The following AHDC1 variants were observed in gnomAD, a reference collection of about 807,000 sequenced individuals.
The protein encoded by AHDC1 is transcription factor Gibbin.
AHDC1 carries 7 observed loss-of-function variants against 87.9 expected under a neutral mutation model. That is an observed-to-expected ratio of 0.08 (90% CI 0.05 to 0.15). AHDC1 has a LOEUF of 0.15. Ranked by LOEUF, AHDC1 falls within the 10% of genes least tolerant of loss-of-function variation. The probability of loss-of-function intolerance (pLI) is 1.00; values close to 1 mark genes in which losing one functional copy is unlikely to be tolerated. For synonymous variants in AHDC1, 1,051 were observed against 1,006.8 expected, an observed-to-expected ratio of 1.04 and a Z score of -0.83; for missense variants, 1,841 against 2,253.2, an observed-to-expected ratio of 0.82 and a Z score of 3.70.
intron 3 of AHDC1, chr1:27,568,265 TAC>T (rs2020408954): frequency 6.6e-6 from 1 of 152,086 alleles, no homozygotes; most frequent in Non-Finnish European, 1.5e-5. Flanking sequence ...TGCCCTTAAC[TAC>T]AGAGGGTCCT....
At chr1:27,554,320 A>G (rs577630849) in intron 5 of AHDC1, among the ~76,000 whole-genome samples, 4 of 152,246 alleles carry the variant, frequency 2.6e-5, no homozygotes, top group East Asian at 3.9e-4. Flanking sequence ...TCAGAGCCCT[A>G]TGTATTTCAC....
Position 27,590,722 on chromosome 1 carries a change from C to T in AHDC1, c.-629+12675G>A, listed in dbSNP as rs2089199440. ...GGGGAAACTGAGGCAGTGAAGCCCT[C>T]CGCCCTACTCATCACAATGAGTCAG... On this transcript the variant is annotated intron_variant, in intron 3 of 8. Transcript: ENST00000673934. This position sits in a 1 kb window ranked among gnomAD's most constrained non-coding sequence, Gnocchi z 5.4. Among the ~76,000 whole-genome samples the T allele has an allele frequency of 6.6e-6, 1 of 152,196 alleles. No homozygotes were observed. The highest frequency in any genetic ancestry group is 2.1e-4 in the South Asian group (1 of 4,832).
At chr1:27,556,026 A>G (rs180842233) in intron 5 of AHDC1, among the ~76,000 whole-genome samples, 27 of 152,272 alleles carry the variant, frequency 1.8e-4, no homozygotes, top group Non-Finnish European at 3.1e-4. Flanking sequence ...GGACAAAGTC[A>G]AAGGGGTACT....
intron 8 of AHDC1, among the ~76,000 whole-genome samples, chr1:27,535,765 A>G (rs1002741785): frequency 1.3e-5 from 2 of 151,994 alleles, no homozygotes; most frequent in Non-Finnish European, 2.9e-5. Context: ...CAGACACTCG[A>G]GATTGGAAGT....
In AHDC1 at chr1:27,550,936, A is replaced by G. The variant is rs756690740; in HGVS notation, c.1180T>C (p.Cys394Arg). Residue 394 changes from cysteine (C) to arginine (R), a missense_variant, in exon 8 of 9, where the codon TGT (cysteine) becomes CGT (arginine). Around this residue, in one of 13 missense-constraint regions of AHDC1, gnomAD observed 370 missense variants for 391.5 expected, o/e 0.95. Coordinates refer to ENST00000673934, the MANE Select transcript of AHDC1 (RefSeq NM_001371928.1). ...CCCCGTCCGGCTTTCCGCCGGCGAC[A>G]CAGGATCTTTGGCCTATCAGTGCGC... is the stretch of plus-strand genomic sequence containing the variant. ...LRRTDRPKIL[C>R]RRRKAGRGRK... The G allele has an allele frequency of 1.9e-6, 3 of 1,599,026 alleles. No homozygotes were observed. In the Admixed American group the frequency reaches 5.0e-5, roughly 27 times the overall value.
chr1:27,569,782 G>A (rs914859413), intron 3 of AHDC1, among the ~76,000 whole-genome samples: 1 of 152,028 alleles, frequency 6.6e-6, no homozygotes, highest in African/African-American at 2.4e-5. Flanking sequence ...ATTGGTTGGG[G>A]CGCCTGGCCT....
chr1:27,586,213 C>T (rs980792149), intron 3 of AHDC1, among the ~76,000 whole-genome samples: 3 of 152,210 alleles, frequency 2.0e-5, no homozygotes, highest in African/African-American at 7.2e-5. Flanking sequence ...GCAGGGGCCT[C>T]AGGTCAGGCC....
intron 3 of AHDC1, among the ~76,000 whole-genome samples, chr1:27,564,350 C>G (rs1227235414): frequency 6.6e-6 from 1 of 152,206 alleles, no homozygotes; most frequent in Non-Finnish European, 1.5e-5. Context: ...AAGCTGGAGA[C>G]CAGCAGGCAG....
chr1:27,547,243 C>T lies in AHDC1; in HGVS notation c.*43+18G>A. The T allele has an allele frequency of 6.7e-7, 1 of 1,483,060 alleles. No individual in the cohort carries two copies. Among genetic ancestry groups the T allele is most frequent in the Middle Eastern group, 1.9e-4 (1 of 5,138 alleles). 91.9% of individuals were successfully genotyped at this position (1,483,060 alleles called of 1,614,324 possible). On this transcript the variant is annotated intron_variant, in intron 8 of 8. Coordinates refer to ENST00000673934, the MANE Select transcript of AHDC1 (RefSeq NM_001371928.1). The surrounding 1 kb of genome is among the most constrained non-coding windows in gnomAD (Gnocchi z 4.9). ...ACCCCCAGGCCTCTGCCCACTGCGCCCACATCCCCAGACTCACCCAGGAAC... is the reference window on the plus strand; with the variant it reads ...ACCCCCAGGCCTCTGCCCACTGCGCTCACATCCCCAGACTCACCCAGGAAC...
chr1:27,551,799 C>G lies in AHDC1; in HGVS notation c.317G>C (p.Ser106Thr). The G allele has an allele frequency of 6.2e-7, 1 of 1,612,900 alleles. No homozygotes were observed. The change falls in exon 8 of 9, where the codon AGC becomes ACC. Residue 106 changes from serine (S) to threonine (T), a missense_variant. Physicochemically the swap from Ser to Thr is moderately conservative, Grantham distance 58 (BLOSUM62 1). This residue lies in a region of AHDC1 where 142 missense variants were observed against 165.6 expected (regional missense o/e 0.86). Coordinates refer to ENST00000673934, the MANE Select transcript of AHDC1 (RefSeq NM_001371928.1). ...RCPTPVGDGSSSRRCWDNGRV... is the reference protein window; with the variant it reads ...RCPTPVGDGSTSRRCWDNGRV... ...CCCGTTGTCCCAGCAGCGTCGGGAG[C>G]TGCTGCCGTCTCCGACCGGTGTGGG...
At position 27,595,121 on chromosome 1, in the gene AHDC1, C is replaced by G. The variant is rs530358368; in HGVS notation, c.-629+8276G>C. On this transcript the variant is annotated intron_variant, in intron 3 of 8. Coordinates refer to ENST00000673934, the MANE Select transcript of AHDC1 (RefSeq NM_001371928.1). The surrounding 1 kb of genome is among the most constrained non-coding windows in gnomAD (Gnocchi z 4.0). ...TGATCTGTTAGAGATATACTAGAAC[C>G]GAAGCCATGTCTGTGTGTTTGAGGC... is the stretch of plus-strand genomic sequence containing the variant. 2.0e-5 allele frequency among the ~76,000 whole-genome samples: 3 copies of G among 152,106 alleles called. No individual in the cohort carries two copies. In the South Asian group the frequency reaches 6.2e-4, roughly 32 times the overall value.
At chr1:27,572,888 C>T (rs1166552514) in intron 3 of AHDC1, among the ~76,000 whole-genome samples, 1 of 152,252 alleles carries the variant, frequency 6.6e-6, no homozygotes, top group Non-Finnish European at 1.5e-5. Flanking sequence ...GTGCGCCATG[C>T]CCCAATTCCC....
At chr1:27,584,257 ATG>A (rs2148448573) in intron 3 of AHDC1, among the ~76,000 whole-genome samples, 1 of 152,256 alleles carries the variant, frequency 6.6e-6, no homozygotes, top group African/African-American at 2.4e-5. Flanking sequence ...ATCTGCTCTG[ATG>A]CCAACCCCAG....
At position 27,549,384 on chromosome 1, in the gene AHDC1, AAGG is replaced by A. The variant is rs2148275086; in HGVS notation, c.2729_2731del (p.Ser910del). ...CTGGCGCGCGGACAGGACAGGCTGA[AAGG>A]AGGGGTCCGCCCCAGCCCCGCTGCT... On this transcript the variant is annotated inframe_deletion, in exon 8 of 9. Transcript: ENST00000673934. The A allele has an allele frequency of 3.1e-6, 5 of 1,612,968 alleles. No homozygotes were observed. The highest frequency in any genetic ancestry group is 4.2e-6 in the Non-Finnish European group (5 of 1,179,834).
Position 27,547,878 on chromosome 1 carries a change from C to G in AHDC1, c.4238G>C (p.Arg1413Pro). The G allele has an allele frequency of 6.4e-7, 1 of 1,552,020 alleles. No homozygotes were observed. Among genetic ancestry groups the G allele is most frequent in the Non-Finnish European group, 8.7e-7 (1 of 1,146,100 alleles). ...GGCAGCCAGCTTTGTGGGCGGTGGC[C>G]GCAGCTCTTCCTTGAAGCCCAGTGT... The part of the protein sequence containing the change: ...SPTLGFKEEL[R>P]PPPTKLAACE... Residue 1413 changes from arginine (R) to proline (P), a missense_variant, in exon 8 of 9, where the codon CGG becomes CCG. Coordinates refer to ENST00000673934, the MANE Select transcript of AHDC1 (RefSeq NM_001371928.1). This position sits in a 1 kb window ranked among gnomAD's most constrained non-coding sequence, Gnocchi z 4.9.
chr1:27,594,339 G>A (rs1051640438), intron 3 of AHDC1, among the ~76,000 whole-genome samples: 1 of 152,206 alleles, frequency 6.6e-6, no homozygotes, highest in African/African-American at 2.4e-5. Context: ...GGTTGGGGGA[G>A]GGAGGCAGTG....
intron 3 of AHDC1, among the ~76,000 whole-genome samples, 188 bp from the exon 4 acceptor site, chr1:27,559,071 G>A (rs1427693071): frequency 6.6e-6 from 1 of 152,106 alleles, no homozygotes; most frequent in East Asian, 1.9e-4. Flanking sequence ...AAGAGAGACA[G>A]GGCCTCATCT....
At chr1:27,577,244 G>A (rs1007752933) in intron 3 of AHDC1, among the ~76,000 whole-genome samples, 3 of 152,172 alleles carry the variant, frequency 2.0e-5, no homozygotes, top group African/African-American at 4.8e-5. Flanking sequence ...ATTGCCTTTG[G>A]CCAGTGAATG....
intron 3 of AHDC1, among the ~76,000 whole-genome samples, chr1:27,601,708 AC>A (rs1303416612): frequency 2.6e-5 from 4 of 151,966 alleles, no homozygotes; most frequent in Admixed American, 6.5e-5. Context: ...CAGCCTTCCT[AC>A]CCCCCCACCC....
Sources: allele counts gnomAD v4.1 joint callset (sites outside exome capture counted in the v4.1 genomes callset), GRCh38; gene constraint gnomAD v4.1.1; regional missense constraint gnomAD v4.1.1; non-coding constraint Gnocchi (gnomAD v3.1); transcripts MANE v1.5; gene names NCBI Gene and HGNC (gene_info 2026-07-23, HGNC 2026-07-21).